Variants in MCM4 observed in about 807,000 individuals in gnomAD.
The protein encoded by MCM4 is DNA replication licensing factor MCM4.
In MCM4, 60 loss-of-function variants were observed where a neutral mutation model predicts 88.7. That is an observed-to-expected ratio of 0.68 (90% CI 0.55 to 0.84). The LOEUF (loss-of-function observed/expected upper bound fraction) is 0.84, where lower values mean the gene tolerates loss of function less well. Ranked by LOEUF, MCM4 falls within the 40% of genes least tolerant of loss-of-function variation. The pLI is 0.00. For missense variants in MCM4, 1,149 were observed against 1,105.5 expected, an observed-to-expected ratio of 1.04 and a Z score of -0.56; for synonymous variants, 465 against 410.5, an observed-to-expected ratio of 1.13 and a Z score of -1.61.
At position 47,972,972 on chromosome 8, in the gene MCM4, C is replaced by T. The variant is rs1338208283; in HGVS notation, c.2044C>T (p.Leu682=). 1 of 1,614,176 alleles carries T rather than the reference C, an allele frequency of 6.2e-7. No homozygotes were observed. Among genetic ancestry groups the T allele is most frequent in the Non-Finnish European group, 8.5e-7 (1 of 1,180,032 alleles). Residue 682 remains leucine (L), a synonymous_variant, in exon 14 of 17, where the codon CTG becomes TTG. Transcript: ENST00000649973. ...QSEEQAEEEL[L]DMAVLKDYIA... ...CGAGGAGCAGGCAGAGGAGGAGCTC[C>T]TGGACATGGCGGTGCTAAAGGACTA... is the stretch of plus-strand genomic sequence containing the variant.
chr8:47,966,432 G>A, intron 9 of MCM4, 25 bp downstream of exon 9: 1 of 1,581,048 alleles, frequency 6.3e-7, no homozygotes, highest in African/African-American at 1.3e-5. Context: ...TGGCCCCCCA[G>A]GCTATGCTTT....
chr8:47,970,804 C>T lies in MCM4; in HGVS notation c.1728C>T (p.Phe576=), dbSNP rs148525401. 1.3e-4 allele frequency: 214 copies of T among 1,613,714 alleles called. No homozygotes were observed. Among genetic ancestry groups the T allele is most frequent in the Middle Eastern group, 1.2e-3 (7 of 6,062 alleles). Reference sequence around the variant, plus strand: ...ACGGCATCTGCTGTATCGATGAGTTCGACAAGATGAATGAAAGTACAAGAT... The same window carrying T: ...ACGGCATCTGCTGTATCGATGAGTTTGACAAGATGAATGAAAGTACAAGAT... ...SDNGICCIDE[F]DKMNESTRSV... Residue 576 remains phenylalanine, a synonymous_variant, in exon 12 of 17, where the codon TTC becomes TTT. Coordinates refer to ENST00000649973, the MANE Select transcript of MCM4 (RefSeq NM_182746.3).
rs1353468646 is a variant in MCM4, at chr8:47,962,107, C to T, written c.290C>T (p.Ser97Phe). ...CCACTGACATACGGCACTCCCAGCTCTCGGGTAGAGGGAACCCCAAGAAGT... is the reference window on the plus strand; with the variant it reads ...CCACTGACATACGGCACTCCCAGCTTTCGGGTAGAGGGAACCCCAAGAAGT... ...SSPLTYGTPS[S>F]RVEGTPRSGV... is the part of the protein sequence containing the mutation. The change falls in exon 4 of 17, where the codon TCT (serine) becomes TTT (phenylalanine). Residue 97 changes from serine to phenylalanine, a missense_variant. Around this residue, in one of 3 missense-constraint regions of MCM4, gnomAD observed 906 missense variants for 843.0 expected, o/e 1.07. Transcript: ENST00000649973. 6.2e-7 allele frequency: 1 copy of T among 1,614,180 alleles called. No individual in the cohort carries two copies. The highest frequency in any genetic ancestry group is 2.2e-5 in the East Asian group (1 of 44,892).
intron 14 of MCM4, among the ~76,000 whole-genome samples, chr8:47,973,344 T>A (rs1202023305): frequency 6.6e-6 from 1 of 151,836 alleles, no homozygotes; most frequent in Non-Finnish European, 1.5e-5. Context: ...TCCGGCTAAT[T>A]TTTGTATTTT....
At position 47,969,818 on chromosome 8, in the gene MCM4, A is replaced by G; in HGVS notation, c.1195A>G (p.Ile399Val). ...CTCAGGCATCTATCGAGCTGTGCCT[A>G]TTCGAGTCAATCCAAGAGTGAGTAA... Reference protein sequence around the residue: ...NVTGIYRAVPIRVNPRVSNVK... With the variant: ...NVTGIYRAVPVRVNPRVSNVK... The change falls in exon 11 of 17, where the codon ATT (isoleucine) becomes GTT (valine). Residue 399 changes from isoleucine to valine, a missense_variant. Ile to Val is a conservative substitution (Grantham distance 29). Transcript: ENST00000649973. The G allele has an allele frequency of 6.2e-7, 1 of 1,614,272 alleles. No individual in the cohort carries two copies.
chr8:47,970,939 G>T, intron 12 of MCM4, 63 bp downstream of exon 12: 1 of 1,522,134 alleles, frequency 6.6e-7, no homozygotes, highest in Non-Finnish European at 8.8e-7. Flanking sequence ...TTGAAAGACA[G>T]GGTCTGTGGA....
At chr8:47,967,619 G>C in intron 10 of MCM4, 134 bp downstream of exon 10, 1 of 1,142,086 alleles carries the variant, frequency 8.8e-7, no homozygotes, top group East Asian at 2.4e-5. Flanking sequence ...GAGACTGTGG[G>C]GTATATCCCT....
chr8:47,970,091 T>C (rs771602951), intron 11 of MCM4, 34 bp downstream of exon 11: 2 of 1,604,438 alleles, frequency 1.2e-6, no homozygotes, highest in Non-Finnish European at 1.7e-6. Context: ...GGTTGGGATT[T>C]ACAATTCTTT....
chr8:47,961,980 A>G (rs1211493255), intron 3 of MCM4, 73 bp from the exon 4 acceptor site: 3 of 1,382,396 alleles, frequency 2.2e-6, no homozygotes, highest in Admixed American at 1.7e-5. Flanking sequence ...ATTAGATGGT[A>G]TAGATCAACA....
Position 47,961,036 on chromosome 8 carries a change from G to A in MCM4, c.-15+22G>A, listed in dbSNP as rs937337419. Reference sequence around the variant, plus strand: ...CACGGTAACCGCGCGCCGGCGGGGAGGGCGTGGCGCGGAGCCGACGGGAAC... The same window carrying A: ...CACGGTAACCGCGCGCCGGCGGGGAAGGCGTGGCGCGGAGCCGACGGGAAC... On this transcript the variant is annotated intron_variant, in intron 1 of 16. Transcript: ENST00000649973. 7 of 1,205,662 alleles carry A rather than the reference G, an allele frequency of 5.8e-6. No homozygotes were observed. The African/African-American group carries it at 9.7e-5, about 17-fold the overall frequency. The allele number at this position is 1,205,662 out of a possible 1,614,324, so 74.7% of individuals were successfully genotyped here. A position where few individuals can be genotyped will look rare whatever the true frequency, so the allele number is the denominator to read the frequency against.
Position 47,962,711 on chromosome 8 carries a change from G to T in MCM4, c.502-53G>T, listed in dbSNP as rs2090856012. On this transcript the variant is annotated intron_variant, in intron 5 of 16. Coordinates refer to ENST00000649973, the MANE Select transcript of MCM4 (RefSeq NM_182746.3). The stretch of plus-strand genomic sequence containing the variant: ...CTCATAACTTTGTGTGTTTTTAGTA[G>T]TTGCCTGTTCCCAAATGCTATATGC... 4.0e-6 allele frequency: 4 copies of T among 999,804 alleles called. No individual in the cohort carries two copies. In the East Asian group the frequency reaches 9.5e-5, roughly 24 times the overall value. The allele number at this position is 999,804 out of a possible 1,614,324, so 61.9% of individuals were successfully genotyped here.
intron 1 of MCM4, 33 bp downstream of exon 1, chr8:47,961,047 G>A: frequency 6.1e-6 from 8 of 1,308,086 alleles, no homozygotes; most frequent in East Asian, 3.1e-5. Context: ...GGCGTGGCGC[G>A]GAGCCGACGG....
At chr8:47,967,226 A>C (rs1046136486) in intron 9 of MCM4, 139 bp from the exon 10 acceptor site, 3 of 929,512 alleles carry the variant, frequency 3.2e-6, no homozygotes, top group African/African-American at 3.4e-5. Flanking sequence ...TTCTAAGGAA[A>C]TAATGAGAAA....
Position 47,970,660 on chromosome 8 carries a change from C to T in MCM4, c.1584C>T (p.Pro528=), listed in dbSNP as rs2154505331. 6.2e-7 allele frequency: 1 copy of T among 1,614,148 alleles called. No individual in the cohort carries two copies. The highest frequency in any genetic ancestry group is 8.5e-7 in the Non-Finnish European group (1 of 1,180,042). Residue 528 remains proline (P), a synonymous_variant, in exon 12 of 17, where the codon CCC becomes CCT. Transcript: ENST00000649973. ...QLLQYVYNLV[P]RGQYTSGKGS... Reference sequence around the variant, plus strand: ...TGCAGTACGTGTACAACCTCGTCCCCAGGGGCCAGTACACGTCTGGGAAGG... The same window carrying T: ...TGCAGTACGTGTACAACCTCGTCCCTAGGGGCCAGTACACGTCTGGGAAGG...
At chr8:47,962,737 C>CT (rs1160646438) in intron 5 of MCM4, 27 bp from the exon 6 acceptor site, 1 of 1,398,380 alleles carries the variant, frequency 7.2e-7, no homozygotes. Context: ...TGCTATATGC[C>CT]TAATACAGTT....
At chr8:47,966,595 C>T (rs766743893) in intron 9 of MCM4, among the ~76,000 whole-genome samples, 188 bp downstream of exon 9, 1 of 152,220 alleles carries the variant, frequency 6.6e-6, no homozygotes, top group Non-Finnish European at 1.5e-5. Context: ...TGCTTCAGGG[C>T]ACTGTCCCTG....
At chr8:47,973,175 C>A in intron 14 of MCM4, 111 bp downstream of exon 14, 2 of 1,025,226 alleles carry the variant, frequency 2.0e-6, no homozygotes, top group African/African-American at 1.6e-5. Flanking sequence ...ACATACTGTT[C>A]TCTTCCTTGT....
chr8:47,976,734 G>A lies in MCM4; in HGVS notation c.2548G>A (p.Asp850Asn). The A allele has an allele frequency of 6.2e-7, 1 of 1,613,706 alleles. No homozygotes were observed. The highest frequency in any genetic ancestry group is 1.1e-5 in the South Asian group (1 of 91,066). ...AGAAGCACTGCGTGCCCTGGCAGAT[G>A]ATGATTTCCTGACAGTGACTGGGAA... ...FEEALRALAD[D>N]DFLTVTGKTV... Residue 850 changes from aspartate to asparagine, a missense_variant, in exon 17 of 17, where the codon GAT (aspartate) becomes AAT (asparagine). Physicochemically the swap from Asp to Asn is conservative, Grantham distance 23. Coordinates refer to ENST00000649973, the MANE Select transcript of MCM4 (RefSeq NM_182746.3).
chr8:47,962,554 TGGGA>T (rs2154505013), intron 5 of MCM4, 148 bp downstream of exon 5: 1 of 831,202 alleles, frequency 1.2e-6, no homozygotes, highest in Non-Finnish European at 1.9e-6. Context: ...GAGGCCAAGG[TGGGA>T]GGATCACTTG....
Sources: allele counts gnomAD v4.1 joint callset (sites outside exome capture counted in the v4.1 genomes callset), GRCh38; gene constraint gnomAD v4.1.1; regional missense constraint gnomAD v4.1.1; transcripts MANE v1.5; gene names NCBI Gene and HGNC (gene_info 2026-07-23, HGNC 2026-07-21).